DTNB: variants seen among roughly 807,000 people sequenced by gnomAD.
DTNB encodes the protein DTN-B.
DTNB carries 63 observed loss-of-function variants against 90.7 expected under a neutral mutation model. The observed-to-expected ratio is 0.69, with a 90% CI of 0.57 to 0.86. The LOEUF (loss-of-function observed/expected upper bound fraction) is 0.86. Ranked by LOEUF, DTNB falls within the 40% of genes least tolerant of loss-of-function variation. The pLI, the probability that DTNB is intolerant of heterozygous loss-of-function variation, is 0.00. For synonymous variants in DTNB, 277 were observed against 286.7 expected (o/e 0.97, Z 0.34); for missense variants, 744 against 807.1 (o/e 0.92, Z 0.95).
chr2:25,505,149 T>C (rs1261390227), intron 9 of DTNB, among the ~76,000 whole-genome samples: 6 of 152,204 alleles, frequency 3.9e-5, no homozygotes, highest in Non-Finnish European at 7.3e-5. Flanking sequence ...TCTAAGTAAC[T>C]ATCCAAACTG....
chr2:25,652,578 A>G lies in DTNB; in HGVS notation c.67+16T>C. On this transcript the variant is annotated intron_variant, in intron 2 of 20. Transcript: ENST00000406818. ...ACAAACATTCCCGCACATATGAACA[A>G]GGACTCAAGACTCACGCATTTCTAT... 1 of 1,601,156 alleles carries G rather than the reference A, an allele frequency of 6.2e-7. No individual in the cohort carries two copies. Among genetic ancestry groups the G allele is most frequent in the Non-Finnish European group, 8.5e-7 (1 of 1,176,436 alleles).
rs375389842 is a variant in DTNB, at chr2:25,467,076, A to G, written c.1080-11582T>C. ...GCTCCTCTCTGAATAAGTGTATTAT[A>G]CTCTTTTAATTTCATGGGAACTCAA... On this transcript the variant is annotated intron_variant, in intron 10 of 20. Transcript: ENST00000406818. Among the ~76,000 whole-genome samples the G allele has an allele frequency of 1.3e-4, 20 of 152,178 alleles. No homozygotes were observed. In the Middle Eastern group the frequency reaches 0.01, roughly 78 times the overall value.
At chr2:25,672,154 C>T (rs1033297076) in intron 1 of DTNB, among the ~76,000 whole-genome samples, 1 of 137,502 alleles carries the variant, frequency 7.3e-6, no homozygotes, top group African/African-American at 2.7e-5. Context: ...GCCGCCTTAG[C>T]CATTGCTTTA....
chr2:25,468,730 G>T (rs1289698561), intron 10 of DTNB, among the ~76,000 whole-genome samples: 3 of 152,212 alleles, frequency 2.0e-5, no homozygotes, highest in Non-Finnish European at 4.4e-5. Context: ...CGGGGCTCAT[G>T]AAAGCACTTT....
At chr2:25,596,956 T>C (rs2064793103) in intron 5 of DTNB, among the ~76,000 whole-genome samples, 1 of 152,156 alleles carries the variant, frequency 6.6e-6, no homozygotes, top group Non-Finnish European at 1.5e-5. Flanking sequence ...ATTCCTCTCT[T>C]CTCATCCACA....
At chr2:25,579,624 T>C (rs2061250963) in intron 7 of DTNB, among the ~76,000 whole-genome samples, 1 of 152,006 alleles carries the variant, frequency 6.6e-6, no homozygotes, top group Non-Finnish European at 1.5e-5. Context: ...TAAGTACCAT[T>C]TTAACTCAAA....
At chr2:25,630,844 C>CAAAAA (rs1169600129) in intron 3 of DTNB, among the ~76,000 whole-genome samples, 1 of 62,926 alleles carries the variant, frequency 1.6e-5, no homozygotes, top group Non-Finnish European at 2.8e-5. Flanking sequence ...AACTCCGTCC[C>CAAAAA]AAAAAAAAAA....
chr2:25,503,454 C>A (rs975834247), intron 9 of DTNB, among the ~76,000 whole-genome samples: 1 of 152,124 alleles, frequency 6.6e-6, no homozygotes, highest in Admixed American at 6.5e-5. Flanking sequence ...GATTGTGTCA[C>A]TGCACTCCAG....
chr2:25,418,443 GT>G (rs1260450085), intron 16 of DTNB, among the ~76,000 whole-genome samples: 1 of 152,250 alleles, frequency 6.6e-6, no homozygotes, highest in East Asian at 1.9e-4. Flanking sequence ...GCTCACGCCT[GT>G]AATCCCAGCA....
intron 16 of DTNB, among the ~76,000 whole-genome samples, chr2:25,410,679 C>T (rs1459534199): frequency 6.6e-6 from 1 of 152,120 alleles, no homozygotes; most frequent in Non-Finnish European, 1.5e-5. Flanking sequence ...TTCAGTCACG[C>T]CACCCTGCCA....
chr2:25,447,917 G>GC (rs140049471), intron 12 of DTNB, among the ~76,000 whole-genome samples: 2,457 of 152,208 alleles, frequency 0.016, 69 homozygotes, highest in African/African-American at 0.055. Context: ...CCGAGGTTTT[G>GC]CCACACAAAT....
chr2:25,560,011 G>A (rs537135878), intron 8 of DTNB, among the ~76,000 whole-genome samples: 31 of 152,366 alleles, frequency 2.0e-4, no homozygotes, highest in African/African-American at 6.7e-4. Context: ...CACTTTGAGA[G>A]GCCAAGGCGG....
chr2:25,596,841 G>C (rs1215709780), intron 5 of DTNB, among the ~76,000 whole-genome samples: 1 of 152,180 alleles, frequency 6.6e-6, no homozygotes, highest in Non-Finnish European at 1.5e-5. Flanking sequence ...CTTTGATACT[G>C]TAAGACCCTA....
chr2:25,649,224 CTCAA>C (rs1574016220), intron 2 of DTNB, among the ~76,000 whole-genome samples: 1 of 151,954 alleles, frequency 6.6e-6, no homozygotes, highest in African/African-American at 2.4e-5. Flanking sequence ...CCAGGATGGT[CTCAA>C]TCTCCTGATC....
intron 16 of DTNB, among the ~76,000 whole-genome samples, chr2:25,396,564 G>C (rs1361985472): frequency 6.6e-6 from 1 of 151,448 alleles, no homozygotes; most frequent in Non-Finnish European, 1.5e-5. Context: ...TGAGGGAAAG[G>C]GTGGGAGGGG....
intron 9 of DTNB, among the ~76,000 whole-genome samples, chr2:25,507,005 C>T (rs1232491758): frequency 6.6e-6 from 1 of 151,802 alleles, no homozygotes; most frequent in Non-Finnish European, 1.5e-5. Context: ...TGGATCCATG[C>T]ATATTAGAAA....
chr2:25,601,801 G>A (rs1294328954), intron 5 of DTNB, among the ~76,000 whole-genome samples: 3 of 152,084 alleles, frequency 2.0e-5, no homozygotes, highest in Non-Finnish European at 4.4e-5. Flanking sequence ...AACTAGGCCC[G>A]AGTGCATACT....
At chr2:25,411,221 T>A (rs1266347829) in intron 16 of DTNB, among the ~76,000 whole-genome samples, 1 of 151,840 alleles carries the variant, frequency 6.6e-6, no homozygotes, top group Admixed American at 6.6e-5. Context: ...TAGCTGGGCG[T>A]GGTGGCGTGC....
In DTNB at chr2:25,427,636, C is replaced by A; in HGVS notation, c.1458-5G>T. 6.2e-7 allele frequency: 1 copy of A among 1,612,328 alleles called. No individual in the cohort carries two copies. The highest frequency in any genetic ancestry group is 1.1e-5 in the South Asian group (1 of 91,040). The stretch of plus-strand genomic sequence containing the variant: ...TCCAGTTCATCCTTCCTTTGCCTAT[C>A]CAAGACGAGAAGCCTATCAGATAAA... On this transcript the variant is annotated splice_polypyrimidine_tract_variant and splice_region_variant and intron_variant, in intron 14 of 20. Transcript: ENST00000406818.
Sources: gnomAD v4.1 joint callset for allele counts (sites outside exome capture counted in the v4.1 genomes callset) on GRCh38, gnomAD v4.1.1 for gene constraint, MANE v1.5 for transcripts, NCBI Gene and HGNC (gene_info 2026-07-23, HGNC 2026-07-21) for gene names.